SPATS2L: variants seen among roughly 807,000 people sequenced by gnomAD.
The protein encoded by SPATS2L is spermatogenesis associated serine rich 2 like, also known as SPATS2-like protein.
A neutral mutation model predicts 59.6 loss-of-function variants in SPATS2L; 30 were observed. The ratio of observed to expected loss-of-function variants is 0.50; its 90% CI spans 0.38 to 0.68. The LOEUF (loss-of-function observed/expected upper bound fraction) is 0.68. Among genes scored for constraint, SPATS2L ranks in the 30% least tolerant of loss-of-function variants. The pLI, the probability that SPATS2L is intolerant of heterozygous loss-of-function variation, is 0.00. For synonymous variants in SPATS2L, 252 were observed against 263.5 expected (o/e 0.96, Z 0.42); for missense variants, 615 against 700.0 (o/e 0.88, Z 1.37).
intron 1 of SPATS2L, among the ~76,000 whole-genome samples, chr2:200,322,930 T>G (rs927806463): frequency 2.0e-5 from 3 of 152,214 alleles, no homozygotes; most frequent in Admixed American, 1.3e-4. Flanking sequence ...AGATCTCGAA[T>G]TTTTATAGCC....
At chr2:200,459,961 T>A in intron 9 of SPATS2L, 134 bp downstream of exon 9, 1 of 672,954 alleles carries the variant, frequency 1.5e-6, no homozygotes, top group Non-Finnish European at 2.5e-6. Context: ...ATGAACTCTG[T>A]AACCTTAGTC....
intron 8 of SPATS2L, among the ~76,000 whole-genome samples, chr2:200,453,627 T>C (rs764324451): frequency 1.3e-5 from 2 of 152,192 alleles, no homozygotes; most frequent in Non-Finnish European, 2.9e-5. Context: ...GGGGCAACTG[T>C]AGCTTGCCAG....
intron 3 of SPATS2L, among the ~76,000 whole-genome samples, chr2:200,407,855 C>A (rs1286362759): frequency 6.6e-6 from 1 of 152,150 alleles, no homozygotes; most frequent in Non-Finnish European, 1.5e-5. Flanking sequence ...TGGAGTCTTC[C>A]TTTGACTCAG....
In SPATS2L at chr2:200,440,706, G is replaced by T. The variant is rs1486611777; in HGVS notation, c.710G>T (p.Arg237Ile). The change falls in exon 8 of 13, where the codon AGA (arginine) becomes ATA (isoleucine). Residue 237 changes from arginine to isoleucine, a missense_variant. Physicochemically the swap from Arg to Ile is moderately conservative, Grantham distance 97. Transcript: ENST00000409140. The stretch of plus-strand genomic sequence containing the variant: ...CAACGCTGCACCGTTTCTCTAACTA[G>T]ATATCGCGTCATGATTAAGGAAGAA... ...DLQRCTVSLT[R>I]YRVMIKEEVD... 6.2e-7 allele frequency: 1 copy of T among 1,613,674 alleles called. No individual in the cohort carries two copies. Among genetic ancestry groups the T allele is most frequent in the Non-Finnish European group, 8.5e-7 (1 of 1,179,690 alleles).
Position 200,479,343 on chromosome 2 carries a change from G to C in SPATS2L, c.*1312G>C, listed in dbSNP as rs750842897. 5.1e-6 allele frequency: 2 copies of C among 389,648 alleles called. No homozygotes were observed. The highest frequency in any genetic ancestry group is 9.1e-6 in the Non-Finnish European group (2 of 220,952). The allele number at this position is 389,648 out of a possible 1,614,324, so 24.1% of individuals were successfully genotyped here. A position where few individuals can be genotyped will look rare whatever the true frequency, so the allele number is the denominator to read the frequency against. ...CCAGAGGAGAGAAGTTATCCTAGTA[G>C]CTTCTACACAGAGCAAGTGTCTTTC... On this transcript the variant is annotated 3_prime_UTR_variant, in exon 13 of 13. Coordinates refer to ENST00000409140, the MANE Select transcript of SPATS2L (RefSeq NM_001100423.2).
chr2:200,329,351 G>T (rs1246847589), intron 1 of SPATS2L, 80 bp from the exon 2 acceptor site: 1 of 1,207,318 alleles, frequency 8.3e-7, no homozygotes, highest in Non-Finnish European at 1.2e-6. Flanking sequence ...CTGTGCTTGG[G>T]TTTTGAGTGT....
intron 2 of SPATS2L, among the ~76,000 whole-genome samples, chr2:200,368,639 G>T (rs747861731): frequency 1.2e-4 from 18 of 152,198 alleles, no homozygotes; most frequent in Non-Finnish European, 2.4e-4. Context: ...TGACCACAAT[G>T]TTTAAGCTTT....
rs1196945546 is a variant in SPATS2L at position 200,352,311 on chromosome 2, TTTTATATATATATATATA to T, written c.-23+22833_-23+22850del. Among the ~76,000 whole-genome samples the T allele has an allele frequency of 6.9e-3, 842 of 121,918 alleles. 64 individuals carry two copies. Among genetic ancestry groups the T allele is most frequent in the Middle Eastern group, 0.015 (4 of 260 alleles). 80.0% of individuals were successfully genotyped at this position (121,918 alleles called of 152,430 possible). On this transcript the variant is annotated intron_variant, in intron 2 of 12. Transcript: ENST00000409140. ...GTTTTGAGGCTATATAACCAGCAGT[TTTTATATATATATATATA>T]TATATATATATATATATATATATAT...
At chr2:200,352,650 C>G (rs1231188434) in intron 2 of SPATS2L, among the ~76,000 whole-genome samples, 2 of 152,050 alleles carry the variant, frequency 1.3e-5, no homozygotes, top group African/African-American at 4.8e-5. Context: ...TTCCCCTTCC[C>G]TTTTGATTAT....
chr2:200,417,333 G>A (rs1343707244), intron 5 of SPATS2L, among the ~76,000 whole-genome samples: 1 of 151,960 alleles, frequency 6.6e-6, no homozygotes, highest in Non-Finnish European at 1.5e-5. Context: ...GTTTCATGTA[G>A]AGTAGGAAAA....
At chr2:200,370,828 A>G (rs180785309) in intron 2 of SPATS2L, among the ~76,000 whole-genome samples, 8 of 152,344 alleles carry the variant, frequency 5.3e-5, no homozygotes, top group Admixed American at 1.3e-4. Context: ...CATAAATGAT[A>G]TCCTTCAATT....
intron 1 of SPATS2L, among the ~76,000 whole-genome samples, chr2:200,321,829 C>T (rs1396734092): frequency 1.3e-5 from 2 of 152,160 alleles, no homozygotes; most frequent in Non-Finnish European, 2.9e-5. Flanking sequence ...TTTCACATCC[C>T]CTTTGAGGTA....
At chr2:200,434,072 A>G (rs1194176615) in intron 6 of SPATS2L, among the ~76,000 whole-genome samples, 1 of 152,052 alleles carries the variant, frequency 6.6e-6, no homozygotes, top group African/African-American at 2.4e-5. Context: ...AGTAAACAAT[A>G]TATAAAAGGA....
chr2:200,323,363 G>T (rs372397986), intron 1 of SPATS2L, among the ~76,000 whole-genome samples: 1 of 152,026 alleles, frequency 6.6e-6, no homozygotes, highest in African/African-American at 2.4e-5. Flanking sequence ...TTGTTTCTAG[G>T]TGATTAATAA....
chr2:200,338,386 A>G (rs775966727), intron 2 of SPATS2L, among the ~76,000 whole-genome samples: 1 of 152,188 alleles, frequency 6.6e-6, no homozygotes, highest in African/African-American at 2.4e-5. Flanking sequence ...CTTCTAATAT[A>G]TGGAGTTTAT....
At chr2:200,311,099 GA>G (rs2079179419) in intron 1 of SPATS2L, among the ~76,000 whole-genome samples, 1 of 152,208 alleles carries the variant, frequency 6.6e-6, no homozygotes, top group East Asian at 1.9e-4. Flanking sequence ...ATGTAAGGAT[GA>G]TTTTTTTTAA....
intron 11 of SPATS2L, 111 bp downstream of exon 11, chr2:200,470,127 C>G (rs542794622): frequency 1.8e-5 from 14 of 773,544 alleles, no homozygotes; most frequent in Middle Eastern, 4.7e-4. Context: ...AACGTGAGGT[C>G]TAAAGAGATT....
chr2:200,452,048 T>G (rs2085492833), intron 8 of SPATS2L, among the ~76,000 whole-genome samples: 1 of 152,160 alleles, frequency 6.6e-6, no homozygotes, highest in Non-Finnish European at 1.5e-5. Context: ...TCTGCCTGCC[T>G]CGCCCTCCCA....
chr2:200,327,192 T>C (rs1278534110), intron 1 of SPATS2L, among the ~76,000 whole-genome samples: 4 of 151,826 alleles, frequency 2.6e-5, no homozygotes, highest in Non-Finnish European at 4.4e-5. Flanking sequence ...TCTCTTGAGG[T>C]CAGGAGTTTG....
Sources: allele counts gnomAD v4.1 joint callset (sites outside exome capture counted in the v4.1 genomes callset), GRCh38; gene constraint gnomAD v4.1.1; transcripts MANE v1.5; gene names NCBI Gene and HGNC (gene_info 2026-07-23, HGNC 2026-07-21).